The following PPFIA2 variants were observed in gnomAD, a reference collection of about 807,000 sequenced individuals.
PPFIA2 encodes liprin-alpha-2.
Under a neutral mutation model 175.5 loss-of-function variants are expected in PPFIA2, and 46 were observed. The observed-to-expected ratio is 0.26, with a 90% confidence interval of 0.21 to 0.34. The LOEUF (loss-of-function observed/expected upper bound fraction) is 0.34, where lower values mean the gene tolerates loss of function less well. Among genes scored for constraint, PPFIA2 ranks in the 10% least tolerant of loss-of-function variants. PPFIA2 has a pLI of 1.00. For missense variants in PPFIA2, 1,179 were observed against 1,506.1 expected, an observed-to-expected ratio of 0.78 and a Z score of 3.60; for synonymous variants, 568 against 511.4, an observed-to-expected ratio of 1.11 and a Z score of -1.49.
chr12:81,661,214 T>A (rs956639914), intron 4 of PPFIA2, among the ~76,000 whole-genome samples: 20 of 152,190 alleles, frequency 1.3e-4, no homozygotes, highest in African/African-American at 4.8e-4. Flanking sequence ...ACCTTAAATG[T>A]AAATGAGCTA....
chr12:81,650,904 C>T (rs1252765248), intron 4 of PPFIA2, among the ~76,000 whole-genome samples: 1 of 152,080 alleles, frequency 6.6e-6, no homozygotes, highest in Admixed American at 6.5e-5. Context: ...AAGGAGTCTC[C>T]AGGCAGAAAT....
At chr12:81,664,044 T>C (rs1158567987) in intron 4 of PPFIA2, among the ~76,000 whole-genome samples, 1 of 152,128 alleles carries the variant, frequency 6.6e-6, no homozygotes, top group African/African-American at 2.4e-5. Context: ...AAATTCAACA[T>C]GGATTAAAGA....
chr12:81,385,783 G>A (rs1047736920), intron 8 of PPFIA2, among the ~76,000 whole-genome samples: 3 of 152,164 alleles, frequency 2.0e-5, no homozygotes, highest in African/African-American at 7.2e-5. Context: ...AAGAATAATG[G>A]TCTATTACAC....
intron 3 of PPFIA2, among the ~76,000 whole-genome samples, chr12:81,713,884 G>A (rs1261104004): frequency 6.6e-6 from 1 of 151,248 alleles, no homozygotes; most frequent in Non-Finnish European, 1.5e-5. Context: ...TGTGAACAGT[G>A]ACAATTTGTC....
chr12:81,427,043 T>C (rs1389180109), intron 7 of PPFIA2, among the ~76,000 whole-genome samples: 2 of 152,158 alleles, frequency 1.3e-5, no homozygotes, highest in African/African-American at 2.4e-5. Context: ...GATTAATTGA[T>C]TGAATACATG....
intron 11 of PPFIA2, among the ~76,000 whole-genome samples, chr12:81,372,197 C>T (rs2035299444): frequency 1.3e-5 from 2 of 151,122 alleles, no homozygotes; most frequent in Non-Finnish European, 3.0e-5. Context: ...TTAAAATATA[C>T]TAAAGTTTTA....
chr12:81,332,832 A>G (rs139841134), intron 21 of PPFIA2, among the ~76,000 whole-genome samples: 5 of 152,292 alleles, frequency 3.3e-5, no homozygotes, highest in Non-Finnish European at 5.9e-5. Flanking sequence ...GTCTTCTGAA[A>G]TCATCTCAGT....
At chr12:81,302,943 T>C (rs777148815) in intron 22 of PPFIA2, among the ~76,000 whole-genome samples, 76 of 152,158 alleles carry the variant, frequency 5.0e-4, no homozygotes, top group African/African-American at 1.8e-3. Flanking sequence ...TTATTAAGGG[T>C]AGCACTAATT....
intron 4 of PPFIA2, among the ~76,000 whole-genome samples, chr12:81,493,044 A>G (rs1408901514): frequency 6.6e-6 from 1 of 152,100 alleles, no homozygotes; most frequent in Non-Finnish European, 1.5e-5. Context: ...GATGACTCAG[A>G]GTTTTTGCCA....
chr12:81,703,850 C>T (rs1294976446), intron 3 of PPFIA2, among the ~76,000 whole-genome samples: 1 of 152,084 alleles, frequency 6.6e-6, no homozygotes, highest in Non-Finnish European at 1.5e-5. Flanking sequence ...TTCTTCTGCT[C>T]TTCGTAAGGC....
intron 3 of PPFIA2, among the ~76,000 whole-genome samples, chr12:81,684,889 T>C (rs1356743637): frequency 6.6e-6 from 1 of 152,056 alleles, no homozygotes; most frequent in African/African-American, 2.4e-5. Flanking sequence ...AAATGCAAAA[T>C]TATTTAATAG....
At chr12:81,667,877 C>T (rs894456915) in intron 4 of PPFIA2, among the ~76,000 whole-genome samples, 12 of 151,982 alleles carry the variant, frequency 7.9e-5, no homozygotes, top group African/African-American at 2.9e-4. Flanking sequence ...GAAGATGATC[C>T]ACTTTTTCAC....
At chr12:81,487,997 A>G (rs1744650147) in intron 4 of PPFIA2, among the ~76,000 whole-genome samples, 1 of 151,948 alleles carries the variant, frequency 6.6e-6, no homozygotes, top group Non-Finnish European at 1.5e-5. Context: ...TGATTTAAAA[A>G]GCCATGTAAT....
intron 3 of PPFIA2, among the ~76,000 whole-genome samples, chr12:81,725,097 T>C (rs968854495): frequency 4.0e-5 from 6 of 151,132 alleles, no homozygotes; most frequent in South Asian, 2.1e-4. Context: ...GAACATTTTT[T>C]CATACACATG....
chr12:81,483,411 T>C (rs1319269474), intron 4 of PPFIA2, among the ~76,000 whole-genome samples: 1 of 152,098 alleles, frequency 6.6e-6, no homozygotes, highest in African/African-American at 2.4e-5. Context: ...ATAACAAAGA[T>C]TAATCTTGAA....
At chr12:81,299,525 C>A in intron 22 of PPFIA2, 143 bp from the exon 23 acceptor site, 1 of 1,131,740 alleles carries the variant, frequency 8.8e-7, no homozygotes, top group Non-Finnish European at 1.2e-6. Context: ...TTCCTTATTC[C>A]TTTGAGTAAC....
At chr12:81,303,935 G>A (rs1453204285) in intron 22 of PPFIA2, among the ~76,000 whole-genome samples, 1 of 152,182 alleles carries the variant, frequency 6.6e-6, no homozygotes, top group Non-Finnish European at 1.5e-5. Flanking sequence ...GGAAATGCCT[G>A]GATTTTCATT....
intron 4 of PPFIA2, among the ~76,000 whole-genome samples, chr12:81,525,152 C>T (rs2063589241): frequency 1.3e-5 from 2 of 152,108 alleles, no homozygotes; most frequent in Non-Finnish European, 2.9e-5. Flanking sequence ...TAATTCTCTA[C>T]CCCTTTAGAT....
intron 4 of PPFIA2, among the ~76,000 whole-genome samples, chr12:81,548,575 C>T (rs1364805317): frequency 6.6e-6 from 1 of 152,088 alleles, no homozygotes; most frequent in Admixed American, 6.6e-5. Context: ...TCAAGCAATC[C>T]TCTCACCTAA....
Sources: allele counts gnomAD v4.1 joint callset (sites outside exome capture counted in the v4.1 genomes callset), GRCh38; gene constraint gnomAD v4.1.1; transcripts MANE v1.5; gene names NCBI Gene and HGNC (gene_info 2026-07-23, HGNC 2026-07-21).